Variants in TGFBI observed in about 807,000 individuals in gnomAD.
TGFBI encodes transforming growth factor beta induced.
Under a neutral mutation model 73.7 loss-of-function variants are expected in TGFBI, and 50 were observed. The ratio of observed to expected loss-of-function variants is 0.68; its 90% CI spans 0.54 to 0.86. TGFBI has a LOEUF of 0.86. Ranked by LOEUF, TGFBI falls within the 40% of genes least tolerant of loss-of-function variation. The pLI is 0.00. For missense variants in TGFBI, 839 were observed against 877.0 expected (o/e 0.96, Z 0.55); for synonymous variants, 362 against 360.5 (o/e 1.00, Z -0.05).
chr5:136,043,964 T>C (rs1751382314), intron 2 of TGFBI, 94 bp from the exon 3 acceptor site: 3 of 1,018,142 alleles, frequency 2.9e-6, no homozygotes, highest in Non-Finnish European at 4.6e-6. Flanking sequence ...TTCCTCTTCC[T>C]TGGCTGTGGA....
Position 136,049,585 on chromosome 5 carries a change from G to A in TGFBI, c.913+5G>A, listed in dbSNP as rs1751496792. The A allele has an allele frequency of 5.0e-6, 8 of 1,612,142 alleles. No individual in the cohort carries two copies. The highest frequency in any genetic ancestry group is 6.8e-6 in the Non-Finnish European group (8 of 1,179,022). The stretch of plus-strand genomic sequence containing the variant: ...GCGACCCAGAAGCCCTGAGAGGTGA[G>A]CATCCTTTGGCTCCTGCTGCTGCCT... On this transcript the variant is annotated splice_donor_5th_base_variant and intron_variant, in intron 7 of 16. Coordinates refer to ENST00000442011, the MANE Select transcript of TGFBI (RefSeq NM_000358.3).
In TGFBI at chr5:136,029,197, G is replaced by A; in HGVS notation, c.134+8G>A. On this transcript the variant is annotated splice_region_variant and intron_variant, in intron 1 of 16. Transcript: ENST00000442011. Reference sequence around the variant, plus strand: ...CCGGGGCCGCCAGCACGGGTAAGCCGAGCCGCCTGGCCAGGGGCTGCGGAA... The same window carrying A: ...CCGGGGCCGCCAGCACGGGTAAGCCAAGCCGCCTGGCCAGGGGCTGCGGAA... 3 of 1,479,510 alleles carry A rather than the reference G, an allele frequency of 2.0e-6. No individual in the cohort carries two copies. The highest frequency in any genetic ancestry group is 8.9e-7 in the Non-Finnish European group (1 of 1,120,260). 91.6% of individuals were successfully genotyped at this position (1,479,510 alleles called of 1,614,324 possible). A position where few individuals can be genotyped will look rare whatever the true frequency, so the allele number is the denominator to read the frequency against.
intron 9 of TGFBI, among the ~76,000 whole-genome samples, chr5:136,054,403 T>A (rs1431266434): frequency 6.6e-6 from 1 of 152,170 alleles, no homozygotes; most frequent in East Asian, 1.9e-4. Context: ...CACTTGCCAA[T>A]GTATAGTCAA....
chr5:136,054,336 C>T (rs967498044), intron 9 of TGFBI, among the ~76,000 whole-genome samples: 9 of 152,220 alleles, frequency 5.9e-5, no homozygotes, highest in Non-Finnish European at 1.3e-4. Context: ...TTCCTCAGAA[C>T]TCAAGACTTG....
At chr5:136,062,733 T>C (rs1427454315) in intron 16 of TGFBI, 46 bp downstream of exon 16, 1 of 1,553,548 alleles carries the variant, frequency 6.4e-7, no homozygotes, top group Non-Finnish European at 8.7e-7. Flanking sequence ...TGTTTAGGCC[T>C]TACCCCCAAG....
In TGFBI at chr5:136,055,786, T is replaced by C; in HGVS notation, c.1517T>C (p.Met506Thr). 6.2e-7 allele frequency: 1 copy of C among 1,612,006 alleles called. No individual in the cohort carries two copies. The highest frequency in any genetic ancestry group is 8.5e-7 in the Non-Finnish European group (1 of 1,178,548). ...RVLTPPMGTV[M>T]DVLKGDNRFS... ...CTGACCCCCCCAATGGGGACTGTCA[T>C]GGATGTCCTGAAGGGAGACAATCGC... The change falls in exon 11 of 17, where the codon ATG becomes ACG. Residue 506 changes from methionine (M) to threonine (T), a missense_variant. Physicochemically the swap from Met to Thr is moderately conservative, Grantham distance 81. Transcript: ENST00000442011.
intron 8 of TGFBI, 28 bp from the exon 9 acceptor site, chr5:136,053,915 T>G (rs1366683590): frequency 6.2e-7 from 1 of 1,611,200 alleles, no homozygotes; most frequent in African/African-American, 1.3e-5. Context: ...GCTTTTAACT[T>G]TTGAACCCAC....
chr5:136,062,499 G>C (rs1751765583), intron 15 of TGFBI, among the ~76,000 whole-genome samples, 164 bp from the exon 16 acceptor site: 1 of 151,998 alleles, frequency 6.6e-6, no homozygotes, highest in South Asian at 2.1e-4. Context: ...GTCTGCCAAG[G>C]CCACCTGAGG....
At chr5:136,061,294 C>G in intron 14 of TGFBI, 1 of 602,020 alleles carries the variant, frequency 1.7e-6, no homozygotes, top group Non-Finnish European at 3.0e-6. Flanking sequence ...AACCTCAGTC[C>G]TGCCTCTCCT....
At chr5:136,044,981 C>T (rs1357437208) in intron 3 of TGFBI, 2 of 151,686 alleles carry the variant, frequency 1.3e-5, no homozygotes, top group Admixed American at 6.6e-5. Context: ...GTTGTTATAC[C>T]CTCTTTTAAA....
chr5:136,029,051 G>T lies in TGFBI; in HGVS notation c.-5G>T. 6.6e-7 allele frequency: 1 copy of T among 1,525,792 alleles called. No individual in the cohort carries two copies. Among genetic ancestry groups the T allele is most frequent in the Admixed American group, 2.0e-5 (1 of 50,564 alleles). The allele number at this position is 1,525,792 out of a possible 1,614,324, so 94.5% of individuals were successfully genotyped here. A position where few individuals can be genotyped will look rare whatever the true frequency, so the allele number is the denominator to read the frequency against. Reference sequence around the variant, plus strand: ...TAGCTCGCTCGGTGCGCGTCGTCCCGCTCCATGGCGCTCTTCGTGCGGCTG... The same window carrying T: ...TAGCTCGCTCGGTGCGCGTCGTCCCTCTCCATGGCGCTCTTCGTGCGGCTG... On this transcript the variant is annotated 5_prime_UTR_variant, in exon 1 of 17. Transcript: ENST00000442011.
rs748653708 is a variant in TGFBI at position 136,059,167 on chromosome 5, C to A, written c.1756C>A (p.Leu586Met). ...EILVSGGIGA[L>M]VRLKSLQGDK... ...CCTGGTTAGCGGAGGCATCGGGGCC[C>A]TGGTGCGGCTAAAGTCTCTCCAAGG... Residue 586 changes from leucine (L) to methionine (M), a missense_variant, in exon 13 of 17, where the codon CTG becomes ATG. By Grantham distance (15) the Leu-to-Met change is conservative (BLOSUM62 2). Coordinates refer to ENST00000442011, the MANE Select transcript of TGFBI (RefSeq NM_000358.3). 1 of 1,610,722 alleles carries A rather than the reference C, an allele frequency of 6.2e-7. No homozygotes were observed. The highest frequency in any genetic ancestry group is 1.1e-5 in the South Asian group (1 of 89,914).
intron 10 of TGFBI, 127 bp downstream of exon 10, chr5:136,054,988 T>C (rs986199828): frequency 1.7e-6 from 2 of 1,149,838 alleles, no homozygotes; most frequent in Non-Finnish European, 2.5e-6. Flanking sequence ...AGGAAGGAAA[T>C]AATTTCTGGA....
At chr5:136,035,637 A>G (rs578133076) in intron 2 of TGFBI, among the ~76,000 whole-genome samples, 2 of 151,906 alleles carry the variant, frequency 1.3e-5, no homozygotes, top group East Asian at 3.9e-4. Context: ...AAAAAAAAAA[A>G]AAAAAAGAAA....
intron 15 of TGFBI, among the ~76,000 whole-genome samples, chr5:136,061,975 C>T (rs1261990125): frequency 6.6e-6 from 1 of 152,188 alleles, no homozygotes; most frequent in East Asian, 1.9e-4. Context: ...ATGGCATTGC[C>T]CATCCTGGGT....
chr5:136,061,264 C>T, intron 14 of TGFBI: 1 of 587,800 alleles, frequency 1.7e-6, no homozygotes, highest in East Asian at 2.9e-5. Flanking sequence ...AGTGTATGTT[C>T]CTTGCCTCCA....
chr5:136,055,381 G>A, intron 10 of TGFBI: 2 of 290,670 alleles, frequency 6.9e-6, no homozygotes. Context: ...ATAAATAAAT[G>A]GGTTCAACGT....
In TGFBI at chr5:136,047,403, AC is replaced by A; in HGVS notation, c.756del (p.Phe253LeufsTer41). On this transcript the variant is annotated frameshift_variant, in exon 6 of 17. Coordinates refer to ENST00000442011, the MANE Select transcript of TGFBI (RefSeq NM_000358.3). LOFTEE classifies it high-confidence loss of function. ...CCAGCAGATCATTGAGATCGAGGAC[AC>A]CTTTGAGACCCTTCGGGTAAGGGAC... ...NIQQIIEIED[T>X]FETLRAAVAA... 6.2e-7 allele frequency: 1 copy of A among 1,613,808 alleles called. No individual in the cohort carries two copies. Among genetic ancestry groups the A allele is most frequent in the Non-Finnish European group, 8.5e-7 (1 of 1,179,864 alleles).
At chr5:136,058,045 G>A (rs1174558866) in intron 12 of TGFBI, among the ~76,000 whole-genome samples, 1 of 152,156 alleles carries the variant, frequency 6.6e-6, no homozygotes, top group Non-Finnish European at 1.5e-5. Flanking sequence ...GGGACAGAGA[G>A]TGTTAGAGGT....
Sources: allele counts gnomAD v4.1 joint callset (sites outside exome capture counted in the v4.1 genomes callset), GRCh38; gene constraint gnomAD v4.1.1; transcripts MANE v1.5; gene names NCBI Gene and HGNC (gene_info 2026-07-23, HGNC 2026-07-21).